Variants in MSH3 observed in about 807,000 individuals in gnomAD.
The protein encoded by MSH3 is DNA mismatch repair protein Msh3.
In MSH3, 106 loss-of-function variants were observed where a neutral mutation model predicts 123.3. The observed-to-expected ratio is 0.86, with a 90% confidence interval of 0.73 to 1.01. MSH3 has a LOEUF of 1.01. Ranked by LOEUF, MSH3 falls within the 50% of genes least tolerant of loss-of-function variation. The pLI, the probability that MSH3 is intolerant of heterozygous loss-of-function variation, is 0.00. For missense variants in MSH3, 1,459 were observed against 1,347.6 expected, an observed-to-expected ratio of 1.08 and a Z score of -1.29; for synonymous variants, 515 against 481.4, an observed-to-expected ratio of 1.07 and a Z score of -0.91.
At chr5:80,852,762 T>G (rs1183254428) in intron 20 of MSH3, among the ~76,000 whole-genome samples, 1 of 152,212 alleles carries the variant, frequency 6.6e-6, no homozygotes, top group African/African-American at 2.4e-5. Flanking sequence ...TCCATCTCCC[T>G]TGTTCTTATA....
At chr5:80,842,807 G>A (rs1035594128) in intron 20 of MSH3, among the ~76,000 whole-genome samples, 1 of 152,166 alleles carries the variant, frequency 6.6e-6, no homozygotes, top group Non-Finnish European at 1.5e-5. Flanking sequence ...ATTTTGGGCT[G>A]AGACGATGGG....
chr5:80,771,690 A>G (rs1744215500), intron 15 of MSH3, among the ~76,000 whole-genome samples: 1 of 152,158 alleles, frequency 6.6e-6, no homozygotes, highest in Non-Finnish European at 1.5e-5. Flanking sequence ...TAAAAGACCC[A>G]TTATAGCAGC....
At chr5:80,808,863 A>ATATATATATATCTATATATATATCTATC (rs1171295488) in intron 19 of MSH3, among the ~76,000 whole-genome samples, 1 of 119,430 alleles carries the variant, frequency 8.4e-6, no homozygotes, top group Admixed American at 9.2e-5. Context: ...TTCTTCATAT[A>ATATATATATATCTATATATATATCTATC]TATATATATA....
At chr5:80,872,688 G>C (rs1746242239) in intron 22 of MSH3, among the ~76,000 whole-genome samples, 1 of 151,898 alleles carries the variant, frequency 6.6e-6, no homozygotes, top group Non-Finnish European at 1.5e-5. Flanking sequence ...TGAACCTGTA[G>C]TCCTAGCTAC....
intron 20 of MSH3, among the ~76,000 whole-genome samples, chr5:80,847,174 CT>C (rs1745739942): frequency 6.6e-6 from 1 of 152,120 alleles, no homozygotes; most frequent in African/African-American, 2.4e-5. Context: ...ATTTTCCTGC[CT>C]TAGCCTCCTG....
chr5:80,817,275 C>A (rs968304417), intron 20 of MSH3, among the ~76,000 whole-genome samples: 2 of 152,094 alleles, frequency 1.3e-5, no homozygotes, highest in Non-Finnish European at 2.9e-5. Context: ...TGAGTTGAAG[C>A]CTGAAAAGTC....
chr5:80,736,975 GA>G (rs1172788398), intron 10 of MSH3, among the ~76,000 whole-genome samples: 1 of 152,118 alleles, frequency 6.6e-6, no homozygotes, highest in Non-Finnish European at 1.5e-5. Context: ...TATATACCAT[GA>G]GTCATTGAAC....
At chr5:80,735,974 C>T (rs1318036213) in intron 10 of MSH3, among the ~76,000 whole-genome samples, 1 of 152,124 alleles carries the variant, frequency 6.6e-6, no homozygotes, top group Non-Finnish European at 1.5e-5. Flanking sequence ...CCTGTAATCC[C>T]AACACTTGTG....
chr5:80,850,655 A>G (rs1418570635), intron 20 of MSH3, among the ~76,000 whole-genome samples: 1 of 152,168 alleles, frequency 6.6e-6, no homozygotes, highest in Non-Finnish European at 1.5e-5. Flanking sequence ...TGCCCCCATA[A>G]TTCAGTCATC....
intron 8 of MSH3, among the ~76,000 whole-genome samples, chr5:80,680,865 AT>A (rs1162193417): frequency 2.0e-5 from 3 of 152,168 alleles, no homozygotes; most frequent in Admixed American, 2.0e-4. Context: ...GTGTATCATA[AT>A]TTATCCATTC....
chr5:80,866,465 A>G (rs1400341252), intron 22 of MSH3, among the ~76,000 whole-genome samples: 1 of 152,176 alleles, frequency 6.6e-6, no homozygotes, highest in Non-Finnish European at 1.5e-5. Flanking sequence ...AATGAACATA[A>G]TTTTTAAAAT....
At chr5:80,838,732 C>T (rs1333982098) in intron 20 of MSH3, among the ~76,000 whole-genome samples, 1 of 152,060 alleles carries the variant, frequency 6.6e-6, no homozygotes, top group Non-Finnish European at 1.5e-5. Flanking sequence ...GCTACAACCA[C>T]ATAGAAAAGT....
intron 8 of MSH3, among the ~76,000 whole-genome samples, chr5:80,699,394 A>G (rs544962745): frequency 2.4e-4 from 36 of 152,138 alleles, no homozygotes; most frequent in Middle Eastern, 3.4e-3. Context: ...CCCCACCTCT[A>G]CTAAAGGTAC....
chr5:80,760,319 G>A (rs951818529), intron 12 of MSH3, among the ~76,000 whole-genome samples: 1 of 152,174 alleles, frequency 6.6e-6, no homozygotes, highest in Non-Finnish European at 1.5e-5. Context: ...ATTATACCTA[G>A]TGTGGGCCTT....
intron 8 of MSH3, among the ~76,000 whole-genome samples, chr5:80,694,858 A>G (rs1750432951): frequency 6.8e-6 from 1 of 146,562 alleles, no homozygotes; most frequent in Non-Finnish European, 1.5e-5. Context: ...GTTTTACCCT[A>G]TAGCTAAGGT....
At chr5:80,764,436 T>C (rs1428081502) in intron 13 of MSH3, among the ~76,000 whole-genome samples, 1 of 152,028 alleles carries the variant, frequency 6.6e-6, no homozygotes, top group Non-Finnish European at 1.5e-5. Context: ...AATGCAGTGG[T>C]GCGACCACAG....
At chr5:80,755,043 G>T (rs191128842) in intron 12 of MSH3, among the ~76,000 whole-genome samples, 225 of 152,264 alleles carry the variant, frequency 1.5e-3, no homozygotes, top group Middle Eastern at 6.8e-3. Flanking sequence ...AGTGACTCTG[G>T]TTTACTCAGC....
At chr5:80,846,790 G>C (rs188390367) in intron 20 of MSH3, among the ~76,000 whole-genome samples, 1 of 152,220 alleles carries the variant, frequency 6.6e-6, no homozygotes, top group African/African-American at 2.4e-5. Flanking sequence ...ATTTGGTCAG[G>C]AGTGTACTGT....
chr5:80,667,924 C>T (rs1039239054), intron 3 of MSH3, among the ~76,000 whole-genome samples: 1 of 152,204 alleles, frequency 6.6e-6, no homozygotes, highest in African/African-American at 2.4e-5. Flanking sequence ...TGTGTTACAG[C>T]TCTTTTAGCC....
Sources: gnomAD v4.1 joint callset for allele counts (sites outside exome capture counted in the v4.1 genomes callset) on GRCh38, gnomAD v4.1.1 for gene constraint, MANE v1.5 for transcripts, NCBI Gene and HGNC (gene_info 2026-07-23, HGNC 2026-07-21) for gene names.